WDR49: variants seen among roughly 807,000 people sequenced by gnomAD.
The protein encoded by WDR49 is WD repeat domain 49.
In WDR49, 107 loss-of-function variants were observed where a neutral mutation model predicts 119.5. That is an observed-to-expected ratio of 0.90 (90% CI 0.77 to 1.05). The LOEUF is 1.05. WDR49 is among the 50% of genes least tolerant of loss of function. The probability of loss-of-function intolerance (pLI) is 0.00; values close to 1 mark genes in which losing one functional copy is unlikely to be tolerated. For missense variants in WDR49, 1,240 were observed against 1,220.5 expected, an observed-to-expected ratio of 1.02 and a Z score of -0.24; for synonymous variants, 425 against 418.8, an observed-to-expected ratio of 1.01 and a Z score of -0.18.
rs138036229 is a variant in WDR49 at position 167,485,361 on chromosome 3, A to C, written c.3032-6365T>G. The stretch of plus-strand genomic sequence containing the variant: ...TGTATCCTAGAACTCAAAGTAAATA[A>C]AAATAAAAATAAATAAATAAAAATA... On this transcript the variant is annotated intron_variant, in intron 18 of 18. Transcript: ENST00000682715. 4.1e-3 allele frequency among the ~76,000 whole-genome samples: 621 copies of C among 152,168 alleles called. 4 individuals are homozygous for C. The highest frequency in any genetic ancestry group is 0.014 in the African/African-American group (582 of 41,524).
At chr3:167,479,099 A>T in intron 18 of WDR49, 103 bp from the exon 19 acceptor site, 3 of 911,480 alleles carry the variant, frequency 3.3e-6, no homozygotes, top group Non-Finnish European at 4.9e-6. Flanking sequence ...TTTTCTAAAA[A>T]TCTTTGTTTC....
chr3:167,556,143 C>A (rs1277496865), intron 9 of WDR49, among the ~76,000 whole-genome samples: 1 of 152,142 alleles, frequency 6.6e-6, no homozygotes, highest in East Asian at 1.9e-4. Context: ...TCAATCTATT[C>A]TAATAATAGT....
chr3:167,630,965 AGCACT>A (rs1717342695), intron 2 of WDR49, among the ~76,000 whole-genome samples: 1 of 152,102 alleles, frequency 6.6e-6, no homozygotes, highest in Non-Finnish European at 1.5e-5. Flanking sequence ...AACGCTAGCC[AGCACT>A]CCACCACCAC....
intron 18 of WDR49, among the ~76,000 whole-genome samples, chr3:167,490,639 A>C (rs1751099992): frequency 6.6e-6 from 1 of 152,156 alleles, no homozygotes; most frequent in South Asian, 2.1e-4. Context: ...TATATTTTTG[A>C]CCTGTAGCTT....
At chr3:167,556,745 G>C (rs969358431) in intron 9 of WDR49, among the ~76,000 whole-genome samples, 1 of 152,176 alleles carries the variant, frequency 6.6e-6, no homozygotes, top group South Asian at 2.1e-4. Flanking sequence ...AATTAGGCAG[G>C]GCCGGATTCA....
chr3:167,597,257 G>A (rs559820872), intron 7 of WDR49, among the ~76,000 whole-genome samples: 1 of 152,288 alleles, frequency 6.6e-6, no homozygotes, highest in South Asian at 2.1e-4. Flanking sequence ...TACTTCAAAG[G>A]GTGCAAGCTC....
At chr3:167,505,251 C>A (rs1003519888) in intron 17 of WDR49, 56 bp downstream of exon 17, 13 of 1,348,868 alleles carry the variant, frequency 9.6e-6, no homozygotes, top group Non-Finnish European at 1.1e-5. Flanking sequence ...CATTTGTATT[C>A]ACACTAATCT....
chr3:167,575,373 G>T (rs549491668), intron 8 of WDR49: 1 of 831,096 alleles, frequency 1.2e-6, no homozygotes, highest in Non-Finnish European at 1.5e-6. Flanking sequence ...CCAAGGCTGC[G>T]GAGCGTCATT....
At chr3:167,625,003 G>C (rs1343661367) in intron 3 of WDR49, among the ~76,000 whole-genome samples, 1 of 151,972 alleles carries the variant, frequency 6.6e-6, no homozygotes, top group Non-Finnish European at 1.5e-5. Context: ...ACTTCTCTTT[G>C]CTCAGTCTTT....
chr3:167,516,870 G>GA (rs1461825766), intron 16 of WDR49, among the ~76,000 whole-genome samples: 4 of 151,990 alleles, frequency 2.6e-5, no homozygotes, highest in Admixed American at 6.5e-5. Flanking sequence ...AAATTTACAA[G>GA]AAAAAAACAA....
intron 10 of WDR49, among the ~76,000 whole-genome samples, chr3:167,549,067 C>T (rs1712385371): frequency 6.6e-6 from 1 of 151,992 alleles, no homozygotes; most frequent in Non-Finnish European, 1.5e-5. Context: ...GTATATGTGC[C>T]ACATTTTCTT....
chr3:167,647,326 A>T (rs1042200062), intron 2 of WDR49, among the ~76,000 whole-genome samples: 2 of 152,216 alleles, frequency 1.3e-5, no homozygotes, highest in African/African-American at 4.8e-5. Context: ...ACTGATCCAG[A>T]TTAATTTTTG....
At chr3:167,543,211 T>C (rs1269809295) in intron 10 of WDR49, among the ~76,000 whole-genome samples, 1 of 151,942 alleles carries the variant, frequency 6.6e-6, no homozygotes, top group Non-Finnish European at 1.5e-5. Context: ...TATCAGACAT[T>C]CAAAGAATAA....
chr3:167,526,022 T>C (rs1451528887), intron 15 of WDR49, among the ~76,000 whole-genome samples: 3 of 151,342 alleles, frequency 2.0e-5, no homozygotes, highest in Admixed American at 1.3e-4. Context: ...CTTTAAAAAA[T>C]AAAAATTAAA....
At chr3:167,568,104 G>A (rs1247940392) in intron 8 of WDR49, among the ~76,000 whole-genome samples, 2 of 151,972 alleles carry the variant, frequency 1.3e-5, no homozygotes, top group African/African-American at 4.8e-5. Context: ...CATCCTTTGT[G>A]GCGTTTTTCT....
chr3:167,484,419 C>T (rs1409764240), intron 18 of WDR49, among the ~76,000 whole-genome samples: 1 of 152,036 alleles, frequency 6.6e-6, no homozygotes, highest in Non-Finnish European at 1.5e-5. Flanking sequence ...AGGTTGTACA[C>T]ATGTACCCTA....
At chr3:167,502,968 G>A (rs1751632559) in intron 17 of WDR49, among the ~76,000 whole-genome samples, 1 of 152,188 alleles carries the variant, frequency 6.6e-6, no homozygotes, top group Non-Finnish European at 1.5e-5. Flanking sequence ...CTAAAAGAGA[G>A]CCAAGAGCTA....
intron 18 of WDR49, among the ~76,000 whole-genome samples, chr3:167,483,940 C>A (rs1750822465): frequency 1.3e-5 from 2 of 152,162 alleles, no homozygotes; most frequent in South Asian, 2.1e-4. Flanking sequence ...GTAATCAATT[C>A]TTCTCACTAT....
intron 6 of WDR49, 108 bp from the exon 7 acceptor site, chr3:167,602,383 C>CCTACAGT: frequency 9.8e-7 from 1 of 1,024,204 alleles, no homozygotes; most frequent in Non-Finnish European, 1.4e-6. Context: ...TGAATGTCAA[C>CCTACAGT]TGTAGGTTGA....
Sources: allele counts gnomAD v4.1 joint callset (sites outside exome capture counted in the v4.1 genomes callset), GRCh38; gene constraint gnomAD v4.1.1; transcripts MANE v1.5; gene names NCBI Gene and HGNC (gene_info 2026-07-23, HGNC 2026-07-21).